The following USP32 variants were observed in gnomAD, a reference collection of about 807,000 sequenced individuals.
USP32 encodes the protein ubiquitin carboxyl-terminal hydrolase 32.
A neutral mutation model predicts 204.8 loss-of-function variants in USP32; 59 were observed. That is an observed-to-expected ratio of 0.29 (90% CI 0.23 to 0.36). The LOEUF is 0.36. Ranked by LOEUF, USP32 falls within the 10% of genes least tolerant of loss-of-function variation. The pLI is 1.00. For synonymous variants in USP32, 517 were observed against 678.4 expected (o/e 0.76, Z 3.70); for missense variants, 1,160 against 1,946.4 (o/e 0.60, Z 7.60).
At chr17:60,206,000 TA>T (rs1451672221) in intron 25 of USP32, among the ~76,000 whole-genome samples, 1 of 152,184 alleles carries the variant, frequency 6.6e-6, no homozygotes, top group Non-Finnish European at 1.5e-5. Flanking sequence ...TCCAATACAG[TA>T]ACCTCTACCC....
At chr17:60,346,709 A>G (rs2088793387) in intron 1 of USP32, among the ~76,000 whole-genome samples, 1 of 152,230 alleles carries the variant, frequency 6.6e-6, no homozygotes, top group Admixed American at 6.5e-5. Flanking sequence ...AGAGGCACAG[A>G]AATGGTACCT....
At chr17:60,280,379 G>T (rs150468918) in intron 5 of USP32, among the ~76,000 whole-genome samples, 1,569 of 152,170 alleles carry the variant, frequency 0.01, 12 homozygotes, top group Non-Finnish European at 0.018. Context: ...TTACAGGCTC[G>T]GGCTACTGCA....
intron 2 of USP32, among the ~76,000 whole-genome samples, chr17:60,305,666 T>C (rs1381566449): frequency 6.6e-6 from 1 of 152,220 alleles, no homozygotes; most frequent in African/African-American, 2.4e-5. Context: ...AAATTCAATT[T>C]ATAAACACTG....
intron 1 of USP32, among the ~76,000 whole-genome samples, chr17:60,418,396 G>GTTTTTT (rs569143215): frequency 8.4e-6 from 1 of 118,414 alleles, no homozygotes; most frequent in African/African-American, 3.1e-5. Flanking sequence ...CCTGGCCTCT[G>GTTTTTT]TTTTTTTTTT....
chr17:60,181,264 A>C (rs1474020295), intron 32 of USP32, 60 bp downstream of exon 32: 3 of 1,547,000 alleles, frequency 1.9e-6, no homozygotes, highest in East Asian at 2.3e-5. Context: ...TGATGAATAC[A>C]TGAAGACAAG....
chr17:60,261,422 G>A (rs914260004), intron 9 of USP32, among the ~76,000 whole-genome samples: 1 of 152,112 alleles, frequency 6.6e-6, no homozygotes. Context: ...CAAGGCGGGT[G>A]GATCACTTAA....
chr17:60,284,777 T>C (rs979525562), intron 5 of USP32, among the ~76,000 whole-genome samples: 9 of 152,232 alleles, frequency 5.9e-5, no homozygotes, highest in Non-Finnish European at 1.0e-4. Flanking sequence ...AGCTCACTTC[T>C]ACTAAGTTTC....
chr17:60,307,754 G>A (rs1307316697), intron 2 of USP32, among the ~76,000 whole-genome samples: 1 of 151,988 alleles, frequency 6.6e-6, no homozygotes, highest in African/African-American at 2.4e-5. Context: ...CTCCTGCCTT[G>A]GTGCCCAAAT....
At position 60,364,566 on chromosome 17, in the gene USP32, A is replaced by G. The variant is rs2089277466; in HGVS notation, c.59-18958T>C. Among the ~76,000 whole-genome samples the G allele has an allele frequency of 2.0e-5, 3 of 152,160 alleles. No homozygotes were observed. The South Asian group carries it at 6.2e-4, about 32-fold the overall frequency. On this transcript the variant is annotated intron_variant, in intron 1 of 33. Coordinates refer to ENST00000300896, the MANE Select transcript of USP32 (RefSeq NM_032582.4). ...TAATTTTTCTATTTTTAGTAGAGAC[A>G]GGGTTTCACCATGTTGGCCAGACTG...
intron 1 of USP32, among the ~76,000 whole-genome samples, chr17:60,351,088 A>G (rs1436794327): frequency 6.6e-6 from 1 of 152,084 alleles, no homozygotes; most frequent in Non-Finnish European, 1.5e-5. Context: ...ATAGCCCCAA[A>G]AGGCTCAGAA....
intron 2 of USP32, among the ~76,000 whole-genome samples, chr17:60,343,794 G>A (rs1356198891): frequency 6.6e-6 from 1 of 152,200 alleles, no homozygotes; most frequent in African/African-American, 2.4e-5. Flanking sequence ...CACTTTGGGA[G>A]GCCAAGGCGG....
intron 2 of USP32, among the ~76,000 whole-genome samples, chr17:60,340,015 A>G (rs1160566206): frequency 6.6e-6 from 1 of 152,192 alleles, no homozygotes; most frequent in Non-Finnish European, 1.5e-5. Flanking sequence ...ATGATATCTC[A>G]AAACATTAAT....
At chr17:60,416,084 C>T (rs542692435) in intron 1 of USP32, among the ~76,000 whole-genome samples, 10 of 152,170 alleles carry the variant, frequency 6.6e-5, no homozygotes, top group African/African-American at 2.4e-4. Context: ...ATGATCTGCC[C>T]GCGTCGGCCT....
chr17:60,302,026 T>C (rs370576528), intron 2 of USP32, among the ~76,000 whole-genome samples: 1 of 152,322 alleles, frequency 6.6e-6, no homozygotes, highest in East Asian at 1.9e-4. Context: ...TAACACTTTA[T>C]TATAAAATCT....
chr17:60,340,549 G>A (rs1398443408), intron 2 of USP32, among the ~76,000 whole-genome samples: 1 of 151,974 alleles, frequency 6.6e-6, no homozygotes. Context: ...CCTTTATTTT[G>A]AGCCTATGTA....
intron 1 of USP32, among the ~76,000 whole-genome samples, chr17:60,378,922 C>CTATA (rs985622052): frequency 2.0e-3 from 305 of 149,662 alleles, no homozygotes; most frequent in African/African-American, 6.8e-3. Context: ...ATGGTATGTT[C>CTATA]TATATATATA....
intron 31 of USP32, among the ~76,000 whole-genome samples, chr17:60,182,413 G>A (rs1482021223): frequency 6.6e-6 from 1 of 152,130 alleles, no homozygotes; most frequent in Non-Finnish European, 1.5e-5. Flanking sequence ...TCACACCATT[G>A]TACATTTGTG....
At chr17:60,394,660 A>C (rs1444435877), upstream of USP32, among the ~76,000 whole-genome samples, 2 of 152,250 alleles carry the variant, frequency 1.3e-5, no homozygotes, top group East Asian at 3.8e-4. Flanking sequence ...TATATCCTGC[A>C]GCACACCTAG....
chr17:60,183,548 G>T (rs2084169797), intron 30 of USP32, 95 bp from the exon 31 acceptor site: 1 of 1,441,040 alleles, frequency 6.9e-7, no homozygotes, highest in Non-Finnish European at 9.4e-7. Context: ...TGAATGTTTG[G>T]GAATATATAA....
Sources: gnomAD v4.1 joint callset for allele counts (sites outside exome capture counted in the v4.1 genomes callset) on GRCh38, gnomAD v4.1.1 for gene constraint, MANE v1.5 for transcripts, NCBI Gene and HGNC (gene_info 2026-07-23, HGNC 2026-07-21) for gene names.